The following AGBL1 variants were observed in gnomAD, a reference collection of about 807,000 sequenced individuals.
AGBL1 encodes cytosolic carboxypeptidase 4.
AGBL1 carries 130 observed loss-of-function variants against 118.9 expected under a neutral mutation model. The observed-to-expected ratio is 1.09, with a 90% CI of 0.95 to 1.26. The LOEUF is 1.26. AGBL1 is among the 50% of genes most tolerant of loss of function. AGBL1 has a pLI of 0.00. For synonymous variants in AGBL1, 555 were observed against 478.9 expected (o/e 1.16, Z -2.08); for missense variants, 1,584 against 1,298.1 (o/e 1.22, Z -3.38).
chr15:86,625,452 G>C (rs4584785), intron 21 of AGBL1, among the ~76,000 whole-genome samples: 3,054 of 133,118 alleles, frequency 0.023, 102 homozygotes, highest in African/African-American at 0.08. Flanking sequence ...AATCAAAAGA[G>C]AATACAGAGG....
At chr15:87,022,393 C>G (rs904228903) in intron 24 of AGBL1, among the ~76,000 whole-genome samples, 46 of 151,988 alleles carry the variant, frequency 3.0e-4, no homozygotes, top group African/African-American at 1.1e-3. Flanking sequence ...TTAACCCAAT[C>G]CAACGAAGAC....
intron 18 of AGBL1, among the ~76,000 whole-genome samples, chr15:86,418,091 A>T (rs568340254): frequency 9.9e-5 from 15 of 152,272 alleles, no homozygotes; most frequent in African/African-American, 3.6e-4. Context: ...TGGATCTTGA[A>T]TCTGCTATCC....
chr15:86,101,331 T>C (rs1001206117), intron 1 of AGBL1, among the ~76,000 whole-genome samples: 2 of 152,170 alleles, frequency 1.3e-5, no homozygotes, highest in African/African-American at 4.8e-5. Context: ...GTATATTCTG[T>C]AACTTGTGAA....
In AGBL1 at chr15:87,002,288, A is replaced by G. The variant is rs8043285; in HGVS notation, c.3323+14200A>G. 5.0e-3 allele frequency among the ~76,000 whole-genome samples: 755 copies of G among 152,110 alleles called. 15 individuals are homozygous for G. The highest frequency in any genetic ancestry group is 0.018 in the African/African-American group (726 of 41,428). ...GGTTTGTCAAAGATCAGATAGTTGTAGATGTGTGGTATTATTTCTGAGGGC... is the reference window on the plus strand; with the variant it reads ...GGTTTGTCAAAGATCAGATAGTTGTGGATGTGTGGTATTATTTCTGAGGGC... On this transcript the variant is annotated intron_variant, in intron 24 of 24. Coordinates refer to the AGBL1 transcript ENST00000441037.
chr15:86,891,149 G>A (rs2080046647), intron 22 of AGBL1, among the ~76,000 whole-genome samples: 1 of 152,046 alleles, frequency 6.6e-6, no homozygotes, highest in Non-Finnish European at 1.5e-5. Flanking sequence ...TGTAGTAATT[G>A]TGAATGGGAG....
intron 22 of AGBL1, among the ~76,000 whole-genome samples, chr15:86,781,314 T>A (rs2078332855): frequency 6.6e-6 from 1 of 152,208 alleles, no homozygotes; most frequent in Non-Finnish European, 1.5e-5. Flanking sequence ...GTTAATCAAT[T>A]TTATTTATTC....
chr15:86,392,282 C>G (rs2081299071), intron 17 of AGBL1, among the ~76,000 whole-genome samples: 1 of 152,036 alleles, frequency 6.6e-6, no homozygotes, highest in Non-Finnish European at 1.5e-5. Context: ...TTTTTAATGG[C>G]TGCATAGCAT....
chr15:86,983,740 A>G (rs554717872), intron 23 of AGBL1, among the ~76,000 whole-genome samples: 57 of 152,298 alleles, frequency 3.7e-4, no homozygotes, highest in Non-Finnish European at 5.9e-4. Flanking sequence ...TCAGCTGTCA[A>G]TATAGGTTAG....
intron 22 of AGBL1, among the ~76,000 whole-genome samples, chr15:86,742,491 T>C (rs965658879): frequency 8.5e-5 from 13 of 152,140 alleles, no homozygotes; most frequent in African/African-American, 3.1e-4. Flanking sequence ...GTTGTTCCCA[T>C]GGGCTTGAAG....
chr15:86,160,218 C>G (rs2077248702), intron 5 of AGBL1, among the ~76,000 whole-genome samples: 1 of 145,894 alleles, frequency 6.9e-6, no homozygotes, highest in African/African-American at 2.5e-5. Context: ...AGGTGGAATT[C>G]AATTAAATTC....
At chr15:86,855,931 T>C (rs2347249) in intron 22 of AGBL1, among the ~76,000 whole-genome samples, 152,335 of 152,336 alleles carry the variant, frequency 1, 76,167 homozygotes, top group Middle Eastern at 1. Flanking sequence ...GCTAGAATGA[T>C]TTATTGAAAA....
At chr15:86,194,034 C>G (rs1298032823) in intron 5 of AGBL1, among the ~76,000 whole-genome samples, 1 of 152,202 alleles carries the variant, frequency 6.6e-6, no homozygotes, top group Admixed American at 6.5e-5. Flanking sequence ...GTGAGGAATT[C>G]TGTCCTGATA....
At chr15:86,179,330 A>G (rs1477270740) in intron 5 of AGBL1, among the ~76,000 whole-genome samples, 1 of 152,228 alleles carries the variant, frequency 6.6e-6, no homozygotes, top group African/African-American at 2.4e-5. Context: ...ACCCAATTTT[A>G]GTAAATTGTT....
intron 18 of AGBL1, among the ~76,000 whole-genome samples, chr15:86,500,095 G>C (rs948419522): frequency 2.0e-5 from 3 of 151,864 alleles, no homozygotes; most frequent in Non-Finnish European, 4.4e-5. Flanking sequence ...CAGACAAAAT[G>C]GACAACTGGA....
At chr15:86,927,218 T>C (rs370921998) in intron 23 of AGBL1, among the ~76,000 whole-genome samples, 1 of 152,058 alleles carries the variant, frequency 6.6e-6, no homozygotes, top group Admixed American at 6.6e-5. Flanking sequence ...TTAGTATAAT[T>C]GTAAAATGCT....
chr15:86,893,403 G>T (rs1468323996), intron 22 of AGBL1, among the ~76,000 whole-genome samples: 1 of 152,128 alleles, frequency 6.6e-6, no homozygotes, highest in Non-Finnish European at 1.5e-5. Flanking sequence ...AATGCCACAG[G>T]CTGGGTTTTG....
chr15:86,183,590 G>A (rs1408628700), intron 5 of AGBL1, among the ~76,000 whole-genome samples: 1 of 152,116 alleles, frequency 6.6e-6, no homozygotes, highest in South Asian at 2.1e-4. Flanking sequence ...AATAAAACAT[G>A]AGCAGTGGAC....
intron 24 of AGBL1, among the ~76,000 whole-genome samples, chr15:86,998,840 A>T (rs1276234506): frequency 6.6e-6 from 1 of 151,628 alleles, no homozygotes; most frequent in Non-Finnish European, 1.5e-5. Context: ...CCAAGATTTT[A>T]CTTTATTTTT....
At chr15:86,216,362 A>C (rs911130258) in intron 5 of AGBL1, among the ~76,000 whole-genome samples, 1 of 152,116 alleles carries the variant, frequency 6.6e-6, no homozygotes, top group East Asian at 1.9e-4. Context: ...AAAGCATTCA[A>C]TCTTTCTTCA....
Sources: allele counts gnomAD v4.1 joint callset (sites outside exome capture counted in the v4.1 genomes callset), GRCh38; gene constraint gnomAD v4.1.1; transcripts MANE v1.5; gene names NCBI Gene and HGNC (gene_info 2026-07-23, HGNC 2026-07-21).